Variants in POLR1A observed in about 807,000 individuals in gnomAD.
POLR1A encodes DNA-directed RNA polymerase I subunit RPA1.
Under a neutral mutation model 205.3 loss-of-function variants are expected in POLR1A, and 84 were observed. That is an observed-to-expected ratio of 0.41 (90% confidence interval 0.34 to 0.49). The LOEUF (loss-of-function observed/expected upper bound fraction) is 0.49. POLR1A is among the 20% of genes least tolerant of loss of function. The probability of loss-of-function intolerance (pLI) is 0.22; values close to 1 mark genes in which losing one functional copy is unlikely to be tolerated. For missense variants in POLR1A, 1,645 were observed against 2,204.5 expected (o/e 0.75, Z 5.08); for synonymous variants, 799 against 863.7 (o/e 0.93, Z 1.31).
Position 86,070,755 on chromosome 2 carries a change from CAA to C in POLR1A, c.1612-485_1612-484del, listed in dbSNP as rs1673163577. Among the ~76,000 whole-genome samples, 2 of 147,788 alleles carry C rather than the reference CAA, an allele frequency of 1.4e-5. No homozygotes were observed. Among genetic ancestry groups the C allele is most frequent in the African/African-American group, 5.0e-5 (2 of 39,892 alleles). ...TTCTAAACAGAAATTCTACATTTCA[CAA>C]AAAGTTTGCCCAGCTTCATATAGCA... On this transcript the variant is annotated intron_variant, in intron 12 of 33. Transcript: ENST00000263857. The surrounding 1 kb of genome is among the most constrained non-coding windows in gnomAD (Gnocchi z 4.4).
chr2:86,050,429 G>A (rs1672782998), intron 16 of POLR1A, among the ~76,000 whole-genome samples: 1 of 152,250 alleles, frequency 6.6e-6, no homozygotes, highest in South Asian at 2.1e-4. Context: ...CACCGTGAAA[G>A]TGGGCATTCC....
intron 16 of POLR1A, among the ~76,000 whole-genome samples, chr2:86,051,580 T>C (rs963921213): frequency 2.0e-5 from 3 of 152,204 alleles, no homozygotes; most frequent in Admixed American, 2.0e-4. Context: ...ACAACGCCTA[T>C]GCACACTGCG....
chr2:86,027,265 G>A lies in POLR1A; in HGVS notation c.*158C>T. 1.5e-6 allele frequency: 1 copy of A among 648,792 alleles called. No individual in the cohort carries two copies. Among genetic ancestry groups the A allele is most frequent in the Non-Finnish European group, 2.8e-6 (1 of 360,128 alleles). 40.2% of individuals were successfully genotyped at this position (648,792 alleles called of 1,614,324 possible). The stretch of plus-strand genomic sequence containing the variant: ...CCAGGTGAAGCTGGCCCAGCTCAGA[G>A]GCCCACTGCTTTCAGGCCCAAGGTC... On this transcript the variant is annotated 3_prime_UTR_variant, in exon 34 of 34. Transcript: ENST00000263857.
chr2:86,036,126 T>A (rs1672490574), intron 27 of POLR1A, among the ~76,000 whole-genome samples: 1 of 152,202 alleles, frequency 6.6e-6, no homozygotes, highest in Non-Finnish European at 1.5e-5. Context: ...ACAGAGCACA[T>A]GACCCCTGGC....
Position 86,030,187 on chromosome 2 carries a change from C to T in POLR1A, c.4779+9G>A, listed in dbSNP as rs762116364. ...GCTTTGTCCCAGGCCAGCAGACAGCCTGTCTTACCTCTGCATACTTGAATA... is the reference window on the plus strand; with the variant it reads ...GCTTTGTCCCAGGCCAGCAGACAGCTTGTCTTACCTCTGCATACTTGAATA... On this transcript the variant is annotated intron_variant, in intron 31 of 33. Transcript: ENST00000263857. 4.3e-6 allele frequency: 7 copies of T among 1,610,946 alleles called. No homozygotes were observed. The highest frequency in any genetic ancestry group is 5.9e-6 in the Non-Finnish European group (7 of 1,177,038).
At position 86,025,361 on chromosome 2, in the gene POLR1A, ACT is replaced by A. The variant is rs1402730468; in HGVS notation, c.*2060_*2061del. The stretch of plus-strand genomic sequence containing the variant: ...TCTGCCATCTTAAGCTGCCAAGGCC[ACT>A]CTCAGAGGCTTCCGAGCATAGAGAA... On this transcript the variant is annotated 3_prime_UTR_variant, in exon 34 of 34. Transcript: ENST00000263857. 2 of 152,184 alleles carry A rather than the reference ACT, an allele frequency of 1.3e-5. No individual in the cohort carries two copies. The highest frequency in any genetic ancestry group is 4.8e-5 in the African/African-American group (2 of 41,430). The allele number at this position is 152,184 out of a possible 1,614,324, so 9.4% of individuals were successfully genotyped here.
chr2:86,073,687 A>C (rs1377762089), intron 12 of POLR1A, among the ~76,000 whole-genome samples: 1 of 152,190 alleles, frequency 6.6e-6, no homozygotes, highest in Non-Finnish European at 1.5e-5. Flanking sequence ...TTATATGCTT[A>C]CTTCCTAGTG....
chr2:86,037,408 C>T (rs141603423), intron 27 of POLR1A, among the ~76,000 whole-genome samples: 21 of 152,382 alleles, frequency 1.4e-4, no homozygotes, highest in Middle Eastern at 6.8e-3. Flanking sequence ...ATCCCAAATG[C>T]CACCTGCACA....
intron 1 of POLR1A, among the ~76,000 whole-genome samples, chr2:86,101,088 C>T (rs1558788750): frequency 6.6e-6 from 1 of 152,182 alleles, no homozygotes; most frequent in Non-Finnish European, 1.5e-5. Context: ...CACATTTAGT[C>T]AAACCTTAAA....
chr2:86,071,934 C>T (rs1673186185), intron 12 of POLR1A, among the ~76,000 whole-genome samples: 1 of 152,200 alleles, frequency 6.6e-6, no homozygotes, highest in Non-Finnish European at 1.5e-5. Flanking sequence ...CCCAAATCTC[C>T]TCTAAATCAC....
chr2:86,088,499 A>AT (rs1229446951), intron 6 of POLR1A, 67 bp downstream of exon 6: 7 of 968,972 alleles, frequency 7.2e-6, no homozygotes, highest in Admixed American at 1.9e-5. Context: ...AGAACCAGGT[A>AT]TTCCCAGGGT....
At chr2:86,055,263 C>G (rs1270152196) in intron 14 of POLR1A, among the ~76,000 whole-genome samples, 1 of 151,020 alleles carries the variant, frequency 6.6e-6, no homozygotes, top group Admixed American at 6.7e-5. Flanking sequence ...TCACTGCACT[C>G]CAGCCTGGGT....
At chr2:86,068,394 G>GC (rs1553436070) in intron 13 of POLR1A, among the ~76,000 whole-genome samples, 6 of 116,250 alleles carry the variant, frequency 5.2e-5, no homozygotes, top group South Asian at 4.0e-4. Flanking sequence ...GGCGGGGGGG[G>GC]GGGGCGGGTG....
In POLR1A at chr2:86,054,057, CCTCCATTTCTGT is replaced by C. The variant is rs534703258; in HGVS notation, c.2208+71_2208+82del. On this transcript the variant is annotated intron_variant, in intron 15 of 33. Transcript: ENST00000263857. ...CACAGTACCTGCTTCTGTGAATGTG[CCTCCATTTCTGT>C]CTCCATTTTAAACCAATCTGTCTAA... 1,020 of 1,348,700 alleles carry C rather than the reference CCTCCATTTCTGT, an allele frequency of 7.6e-4. 10 individuals carry two copies. The South Asian group carries it at 0.012, about 16-fold the overall frequency. 83.5% of individuals were successfully genotyped at this position (1,348,700 alleles called of 1,614,324 possible).
Position 86,027,525 on chromosome 2 carries a change from T to C in POLR1A, c.5063-2A>G, listed in dbSNP as rs1672287561. 2 of 1,613,168 alleles carry C rather than the reference T, an allele frequency of 1.2e-6. No homozygotes were observed. Among genetic ancestry groups the C allele is most frequent in the Non-Finnish European group, 1.7e-6 (2 of 1,179,164 alleles). ...GAGACCTCAGCTCATCGTGGGATCCTGACAGAGACACAAAAACATGTGTCA... is the reference window on the plus strand; with the variant it reads ...GAGACCTCAGCTCATCGTGGGATCCCGACAGAGACACAAAAACATGTGTCA... On this transcript the variant is annotated splice_acceptor_variant, in intron 33 of 33. Coordinates refer to ENST00000263857, the MANE Select transcript of POLR1A (RefSeq NM_015425.6). LOFTEE classifies it high-confidence loss of function.
intron 8 of POLR1A, 29 bp downstream of exon 8, chr2:86,081,572 G>C: frequency 7.2e-7 from 1 of 1,393,670 alleles, no homozygotes; most frequent in South Asian, 1.2e-5. Flanking sequence ...CTTTTTTTCA[G>C]GTGAAATAAG....
chr2:86,053,027 G>C lies in POLR1A; in HGVS notation c.2209-27C>G, dbSNP rs755163729. On this transcript the variant is annotated intron_variant, in intron 15 of 33. Transcript: ENST00000263857. ...TGCAGAGGGCAAGGCCACCAATGCCGGGCTGCGGGTGATGCCTCCTGTGGG... is the reference window on the plus strand; with the variant it reads ...TGCAGAGGGCAAGGCCACCAATGCCCGGCTGCGGGTGATGCCTCCTGTGGG... 4 of 1,517,312 alleles carry C rather than the reference G, an allele frequency of 2.6e-6. No homozygotes were observed. In the African/African-American group the frequency reaches 5.6e-5, roughly 21 times the overall value. The allele number at this position is 1,517,312 out of a possible 1,614,324, so 94.0% of individuals were successfully genotyped here. A position where few individuals can be genotyped will look rare whatever the true frequency, so the allele number is the denominator to read the frequency against.
At chr2:86,063,384 G>C (rs1327389936) in intron 14 of POLR1A, among the ~76,000 whole-genome samples, 1 of 68,262 alleles carries the variant, frequency 1.5e-5, no homozygotes, top group Non-Finnish European at 3.4e-5. Flanking sequence ...TTGCCACAAA[G>C]AAACTCTAGG....
intron 16 of POLR1A, among the ~76,000 whole-genome samples, chr2:86,052,165 G>A (rs1461172152): frequency 2.6e-5 from 4 of 152,118 alleles, no homozygotes; most frequent in Non-Finnish European, 4.4e-5. Flanking sequence ...GGCTGGTCTC[G>A]AACTCCTGGG....
Sources: allele counts gnomAD v4.1 joint callset (sites outside exome capture counted in the v4.1 genomes callset), GRCh38; gene constraint gnomAD v4.1.1; non-coding constraint Gnocchi (gnomAD v3.1); transcripts MANE v1.5; gene names NCBI Gene and HGNC (gene_info 2026-07-23, HGNC 2026-07-21).